Variants in TPCN1 observed in about 807,000 individuals in gnomAD.
TPCN1 encodes the protein two pore channel protein 1.
A neutral mutation model predicts 108.8 loss-of-function variants in TPCN1; 52 were observed. That is an observed-to-expected ratio of 0.48 (90% CI 0.38 to 0.60). The LOEUF is 0.60. TPCN1 is among the 20% of genes least tolerant of loss of function. TPCN1 has a pLI of 0.00. For missense variants in TPCN1, 806 were observed against 1,072.8 expected (o/e 0.75, Z 3.47); for synonymous variants, 446 against 433.7 (o/e 1.03, Z -0.35).
rs1954676156 is a variant in TPCN1 at position 113,252,374 on chromosome 12, A to G, written c.113-7994A>G. On this transcript the variant is annotated intron_variant, in intron 2 of 27. Transcript: ENST00000335509. The stretch of plus-strand genomic sequence containing the variant: ...GATAGGGGAGCTTTTGAGGAGGACC[A>G]GACGTTGTCTCCCCACCAGGAACGG... Among the ~76,000 whole-genome samples, 3 of 152,308 alleles carry G rather than the reference A, an allele frequency of 2.0e-5. No individual in the cohort carries two copies. In the South Asian group the frequency reaches 6.2e-4, roughly 32 times the overall value.
chr12:113,227,740 A>G (rs1437377500), intron 2 of TPCN1, among the ~76,000 whole-genome samples: 1 of 152,114 alleles, frequency 6.6e-6, no homozygotes, highest in Non-Finnish European at 1.5e-5. Context: ...TGGATGTTCC[A>G]CCGTCTCCCA....
chr12:113,252,651 C>T (rs1954687422), intron 2 of TPCN1, among the ~76,000 whole-genome samples: 1 of 152,240 alleles, frequency 6.6e-6, no homozygotes, highest in Admixed American at 6.5e-5. Context: ...GTGCCAGCCC[C>T]TGCTGGGGCA....
chr12:113,266,080 C>T lies in TPCN1; in HGVS notation c.238-100C>T, dbSNP rs1159759309. The T allele has an allele frequency of 1.6e-5, 21 of 1,312,926 alleles. No individual in the cohort carries two copies. The highest frequency in any genetic ancestry group is 2.7e-5 in the South Asian group (2 of 74,140). 81.3% of individuals were successfully genotyped at this position (1,312,926 alleles called of 1,614,324 possible). A position where few individuals can be genotyped will look rare whatever the true frequency, so the allele number is the denominator to read the frequency against. On this transcript the variant is annotated intron_variant, in intron 3 of 27. Transcript: ENST00000335509. The surrounding 1 kb of genome is among the most constrained non-coding windows in gnomAD (Gnocchi z 4.2). ...TCTGTCTCTGGCCTGAATCTCTCCT[C>T]GCCTGCCTGGGGCCTTCCTTTCCTC...
intron 12 of TPCN1, 83 bp from the exon 13 acceptor site, chr12:113,278,106 T>C: frequency 8.4e-7 from 1 of 1,196,860 alleles, no homozygotes; most frequent in Non-Finnish European, 1.2e-6. Context: ...CATAAAGGTG[T>C]CCATAGGCAG....
Position 113,284,740 on chromosome 12 carries a change from C to T in TPCN1, c.1422C>T (p.His474=), listed in dbSNP as rs545739755. 1.5e-5 allele frequency: 24 copies of T among 1,614,234 alleles called. No individual in the cohort carries two copies. The highest frequency in any genetic ancestry group is 4.5e-5 in the East Asian group (2 of 44,894). The part of the protein sequence containing the change: ...MLKGGNFFSK[H]VPWSYLVFLT... ...CAGGTGGGAACTTCTTCTCCAAGCACGTGCCCTGGAGTTACCTCGTCTTTC... is the reference window on the plus strand; with the variant it reads ...CAGGTGGGAACTTCTTCTCCAAGCATGTGCCCTGGAGTTACCTCGTCTTTC... The change falls in exon 17 of 28, where the codon CAC becomes CAT. Residue 474 remains histidine, a synonymous_variant. Coordinates refer to ENST00000335509, the MANE Select transcript of TPCN1 (RefSeq NM_017901.6). This position sits in a 1 kb window ranked among gnomAD's most constrained non-coding sequence, Gnocchi z 4.1.
At chr12:113,251,069 G>A (rs1327584935) in intron 2 of TPCN1, among the ~76,000 whole-genome samples, 1 of 151,990 alleles carries the variant, frequency 6.6e-6, no homozygotes, top group African/African-American at 2.4e-5. Context: ...CTGGGAGGGC[G>A]AGGCAGGTGG....
chr12:113,233,510 A>T (rs968121277), intron 2 of TPCN1, among the ~76,000 whole-genome samples: 2 of 152,222 alleles, frequency 1.3e-5, no homozygotes, highest in Admixed American at 1.3e-4. Flanking sequence ...GTCAATCTTG[A>T]GACAGCCCCC....
intron 1 of TPCN1, among the ~76,000 whole-genome samples, chr12:113,224,336 T>G (rs1953388863): frequency 6.6e-6 from 1 of 152,238 alleles, no homozygotes; most frequent in African/African-American, 2.4e-5. Flanking sequence ...CAGTTAACTT[T>G]TACTTATGAA....
At chr12:113,281,917 T>C (rs925374645) in intron 15 of TPCN1, among the ~76,000 whole-genome samples, 6 of 146,510 alleles carry the variant, frequency 4.1e-5, no homozygotes, top group Non-Finnish European at 7.5e-5. Context: ...GATTTCTTTT[T>C]TTTTTTTTTT....
rs1236797154 is a variant in TPCN1 at position 113,293,252 on chromosome 12, C to T, written c.2254-17C>T. 1.9e-6 allele frequency: 3 copies of T among 1,613,496 alleles called. No individual in the cohort carries two copies. Among genetic ancestry groups the T allele is most frequent in the South Asian group, 1.1e-5 (1 of 91,064 alleles). On this transcript the variant is annotated splice_polypyrimidine_tract_variant and intron_variant, in intron 26 of 27. Coordinates refer to ENST00000335509, the MANE Select transcript of TPCN1 (RefSeq NM_017901.6). ...GAATATCTGCAGCCGAGCCCTGCAG[C>T]CTCTGCTCTTCCTTAGCAACATTCC... is the stretch of plus-strand genomic sequence containing the variant.
rs1953674705 is a variant in TPCN1 at position 113,231,185 on chromosome 12, A to G, written c.112+4221A>G. Among the ~76,000 whole-genome samples the G allele has an allele frequency of 6.6e-6, 1 of 152,218 alleles. No individual in the cohort carries two copies. Among genetic ancestry groups the G allele is most frequent in the Non-Finnish European group, 1.5e-5 (1 of 68,042 alleles). On this transcript the variant is annotated intron_variant, in intron 2 of 27. Transcript: ENST00000335509. This position sits in a 1 kb window ranked among gnomAD's most constrained non-coding sequence, Gnocchi z 4.3. Reference sequence around the variant, plus strand: ...GAGGCCTTCTCAGCACTGTACCTCCACGCTCCATGTCTGGTTGGGCACCCC... The same window carrying G: ...GAGGCCTTCTCAGCACTGTACCTCCGCGCTCCATGTCTGGTTGGGCACCCC...
At chr12:113,246,050 G>C (rs78796529) in intron 2 of TPCN1, 1 of 456,014 alleles carries the variant, frequency 2.2e-6, no homozygotes, top group Non-Finnish European at 4.4e-6. Flanking sequence ...GAGTGTTACC[G>C]TGTGTGCAAA....
intron 2 of TPCN1, chr12:113,244,652 T>C (rs1307524015): frequency 1.0e-6 from 1 of 985,262 alleles, no homozygotes; most frequent in African/African-American, 1.7e-5. Flanking sequence ...TTTCCCATGG[T>C]GTGGGGCTCT....
intron 4 of TPCN1, 120 bp from the exon 5 acceptor site, chr12:113,267,723 A>G: frequency 1.5e-6 from 1 of 657,742 alleles, no homozygotes; most frequent in South Asian, 1.8e-5. Context: ...AGGTTTTTGT[A>G]ACTCTGATAT....
chr12:113,293,545 C>G (rs1385844396), intron 27 of TPCN1, among the ~76,000 whole-genome samples, 196 bp downstream of exon 27: 1 of 152,198 alleles, frequency 6.6e-6, no homozygotes, highest in South Asian at 2.1e-4. Flanking sequence ...TCGTGCCCAG[C>G]AGAGGCAGCT....
At chr12:113,240,025 C>G (rs987794547) in intron 2 of TPCN1, among the ~76,000 whole-genome samples, 1 of 152,046 alleles carries the variant, frequency 6.6e-6, no homozygotes, top group African/African-American at 2.4e-5. Context: ...CTCTGTGACT[C>G]TCGAGGGGCC....
chr12:113,233,293 C>T (rs546523373), intron 2 of TPCN1, among the ~76,000 whole-genome samples: 1 of 152,348 alleles, frequency 6.6e-6, no homozygotes, highest in South Asian at 2.1e-4. Flanking sequence ...CCTCCCCACT[C>T]GCCTGGGGGA....
chr12:113,230,812 A>C (rs954050109), intron 2 of TPCN1, among the ~76,000 whole-genome samples: 5 of 152,212 alleles, frequency 3.3e-5, no homozygotes, highest in Non-Finnish European at 1.5e-5. Flanking sequence ...GGTACTCAAC[A>C]AATAGTGGTC....
intron 3 of TPCN1, among the ~76,000 whole-genome samples, chr12:113,265,790 A>T (rs1415372385): frequency 2.6e-5 from 4 of 151,228 alleles, no homozygotes; most frequent in Non-Finnish European, 5.9e-5. Flanking sequence ...GAGCCACCGC[A>T]CCCAGCCCCT....
Sources: allele counts gnomAD v4.1 joint callset (sites outside exome capture counted in the v4.1 genomes callset), GRCh38; gene constraint gnomAD v4.1.1; non-coding constraint Gnocchi (gnomAD v3.1); transcripts MANE v1.5; gene names NCBI Gene and HGNC (gene_info 2026-07-23, HGNC 2026-07-21).